Variants in ALKBH3 observed in about 807,000 individuals in gnomAD.
ALKBH3 encodes alkB homolog 3, alpha-ketoglutarate dependent dioxygenase, also known as alpha-ketoglutarate-dependent dioxygenase alkB homolog 3.
A neutral mutation model predicts 43.9 loss-of-function variants in ALKBH3; 51 were observed. The observed-to-expected ratio is 1.16, with a 90% CI of 0.93 to 1.47. The LOEUF is 1.47. Ranked by LOEUF, ALKBH3 falls within the 40% of genes most tolerant of loss-of-function variation. The probability of loss-of-function intolerance (pLI) is 0.00; values close to 1 mark genes in which losing one functional copy is unlikely to be tolerated. For missense variants in ALKBH3, 361 were observed against 351.9 expected (o/e 1.03, Z -0.21); for synonymous variants, 102 against 115.2 (o/e 0.89, Z 0.73).
intron 7 of ALKBH3, chr11:43,897,871 T>C (rs1951830258): frequency 5.1e-6 from 4 of 787,310 alleles, no homozygotes; most frequent in Non-Finnish European, 9.4e-6. Context: ...ATGGAAAAAA[T>C]TGCAATGAAA....
chr11:43,887,971 G>T (rs12786795), intron 5 of ALKBH3, among the ~76,000 whole-genome samples: 7,610 of 127,824 alleles, frequency 0.06, 446 homozygotes, highest in Admixed American at 0.22. Flanking sequence ...TTTTTTTTTT[G>T]TATTTTTAGT....
chr11:43,912,088 A>C (rs1268317589), intron 8 of ALKBH3, among the ~76,000 whole-genome samples: 1 of 152,172 alleles, frequency 6.6e-6, no homozygotes, highest in African/African-American at 2.4e-5. Context: ...GCACCACTGC[A>C]CTCCAGCCTG....
At chr11:43,886,771 C>T (rs1590366286) in intron 5 of ALKBH3, 118 bp downstream of exon 5, 1 of 978,050 alleles carries the variant, frequency 1.0e-6, no homozygotes, top group Non-Finnish European at 1.5e-6. Flanking sequence ...TACTATGCAG[C>T]CATTAAAAGG....
rs2135192974 is a variant in ALKBH3 at position 43,901,620 on chromosome 11, G to A, written c.564G>A (p.Val188=). ...CNLYRNEKDS[V]DWHSDDEPSL... ...TTTATCGCAATGAGAAGGACAGCGT[G>A]GACTGGCACAGTGATGATGAACCCT... Residue 188 remains valine, a synonymous_variant, in exon 8 of 10, where the codon GTG becomes GTA. Transcript: ENST00000302708. 6.2e-7 allele frequency: 1 copy of A among 1,614,228 alleles called. No individual in the cohort carries two copies. Among genetic ancestry groups the A allele is most frequent in the Non-Finnish European group, 8.5e-7 (1 of 1,180,040 alleles).
At chr11:43,901,325 A>G (rs986602253) in intron 7 of ALKBH3, among the ~76,000 whole-genome samples, 191 bp from the exon 8 acceptor site, 1 of 152,272 alleles carries the variant, frequency 6.6e-6, no homozygotes, top group Non-Finnish European at 1.5e-5. Context: ...AACTTGCTTC[A>G]AAATAGAAAT....
At chr11:43,887,677 C>A (rs1951755532) in intron 5 of ALKBH3, among the ~76,000 whole-genome samples, 1 of 152,152 alleles carries the variant, frequency 6.6e-6, no homozygotes, top group Non-Finnish European at 1.5e-5. Flanking sequence ...GCCTGGACTT[C>A]TGTGCTGTGA....
intron 8 of ALKBH3, among the ~76,000 whole-genome samples, chr11:43,902,088 G>T (rs2135193339): frequency 6.6e-6 from 1 of 152,310 alleles, no homozygotes; most frequent in South Asian, 2.1e-4. Flanking sequence ...AATGACTCAA[G>T]CTAGTGGGAG....
chr11:43,920,035 TCACTGAAACGGAGCAAACCTTC>T lies in ALKBH3; in HGVS notation c.*32_*53del. 1 of 1,596,100 alleles carries T rather than the reference TCACTGAAACGGAGCAAACCTTC, an allele frequency of 6.3e-7. No individual in the cohort carries two copies. The highest frequency in any genetic ancestry group is 8.6e-7 in the Non-Finnish European group (1 of 1,164,130). On this transcript the variant is annotated 3_prime_UTR_variant, in exon 10 of 10. Transcript: ENST00000302708. ...ACGTCAGAGCTTTGAGAGAGAAGCT[TCACTGAAACGGAGCAAACCTTC>T]CACTGAGAAGCCACTTCAAGAGGCT...
chr11:43,913,425 G>T (rs1390170070), intron 8 of ALKBH3, among the ~76,000 whole-genome samples: 2 of 151,944 alleles, frequency 1.3e-5, no homozygotes, highest in Non-Finnish European at 2.9e-5. Flanking sequence ...AGTGATAATG[G>T]CCTCTAAGAT....
intron 7 of ALKBH3, among the ~76,000 whole-genome samples, chr11:43,900,324 A>G (rs1951853969): frequency 6.9e-6 from 1 of 143,936 alleles, no homozygotes; most frequent in South Asian, 2.3e-4. Flanking sequence ...CCCGGGTTCA[A>G]GTGATTCTTC....
At chr11:43,898,061 C>A in intron 7 of ALKBH3, 1 of 979,060 alleles carries the variant, frequency 1.0e-6, no homozygotes, top group Non-Finnish European at 1.7e-6. Context: ...ATCCCAGATG[C>A]TGTCCTCAAG....
chr11:43,919,372 T>C (rs1408153828), intron 9 of ALKBH3, among the ~76,000 whole-genome samples: 2 of 152,234 alleles, frequency 1.3e-5, no homozygotes, highest in Non-Finnish European at 2.9e-5. Flanking sequence ...CTGCCTATTG[T>C]AGTAGTCACT....
rs200996094 is a variant in ALKBH3, at chr11:43,901,547, G to A, written c.491G>A (p.Arg164His). The A allele has an allele frequency of 1.4e-5, 22 of 1,614,022 alleles. No homozygotes were observed. In the African/African-American group the frequency reaches 1.5e-4, roughly 11 times the overall value. Residue 164 changes from arginine to histidine, a missense_variant, in exon 8 of 10, where the codon CGC (arginine) becomes CAC (histidine). Transcript: ENST00000302708. ...WHPVLRTLKN[R>H]IEENTGHTFN... ...CCTGTGCTGCGCACACTAAAGAACC[G>A]CATTGAAGAGAACACTGGCCACACC...
intron 7 of ALKBH3, chr11:43,899,128 A>G: frequency 1.3e-6 from 1 of 770,694 alleles, no homozygotes; most frequent in Non-Finnish European, 2.4e-6. Flanking sequence ...TATCACTCCA[A>G]GAGGTCGCCA....
chr11:43,904,945 G>A lies in ALKBH3; in HGVS notation c.669+3220G>A, dbSNP rs1041628094. ...TAATTTTCATGTCTGTCACCGAGACGTTCAGGGTTTATTAGAGGTTGTGGG... is the reference window on the plus strand; with the variant it reads ...TAATTTTCATGTCTGTCACCGAGACATTCAGGGTTTATTAGAGGTTGTGGG... On this transcript the variant is annotated intron_variant, in intron 8 of 9. Transcript: ENST00000302708. Among the ~76,000 whole-genome samples, 13 of 152,164 alleles carry A rather than the reference G, an allele frequency of 8.5e-5. No individual in the cohort carries two copies. In the Middle Eastern group the frequency reaches 0.017, roughly 199 times the overall value.
intron 8 of ALKBH3, among the ~76,000 whole-genome samples, chr11:43,905,859 G>GAA (rs529211791): frequency 1.3e-5 from 2 of 151,966 alleles, no homozygotes; most frequent in South Asian, 4.1e-4. Flanking sequence ...ATTCTATACT[G>GAA]AAAAAAACAA....
At chr11:43,898,560 A>T (rs1476126818) in intron 7 of ALKBH3, 2 of 768,718 alleles carry the variant, frequency 2.6e-6, no homozygotes, top group Non-Finnish European at 4.8e-6. Context: ...AGCTAAGGCG[A>T]TGTGAAGAGA....
intron 6 of ALKBH3, among the ~76,000 whole-genome samples, 199 bp downstream of exon 6, chr11:43,890,027 T>C (rs760128047): frequency 2.0e-5 from 3 of 152,026 alleles, no homozygotes; most frequent in Non-Finnish European, 2.9e-5. Context: ...GGCCCAGAGA[T>C]CAGAGAGAAC....
chr11:43,910,874 C>T (rs1951933109), intron 8 of ALKBH3, among the ~76,000 whole-genome samples: 1 of 152,116 alleles, frequency 6.6e-6, no homozygotes, highest in Non-Finnish European at 1.5e-5. Flanking sequence ...TTTCCAGGAA[C>T]AGTTCTTTCC....
Sources: gnomAD v4.1 joint callset for allele counts (sites outside exome capture counted in the v4.1 genomes callset) on GRCh38, gnomAD v4.1.1 for gene constraint, MANE v1.5 for transcripts, NCBI Gene and HGNC (gene_info 2026-07-23, HGNC 2026-07-21) for gene names.